Variants in DIP2B observed in about 807,000 individuals in gnomAD.
DIP2B encodes the protein DIP2 acetate--CoA ligase B (putative), also known as disco-interacting protein 2 homolog B.
Under a neutral mutation model 198.0 loss-of-function variants are expected in DIP2B, and 76 were observed. That is an observed-to-expected ratio of 0.38 (90% CI 0.32 to 0.46). The LOEUF is 0.46. Among genes scored for constraint, DIP2B ranks in the 20% least tolerant of loss-of-function variants. The pLI, the probability that DIP2B is intolerant of heterozygous loss-of-function variation, is 0.99. For synonymous variants in DIP2B, 701 were observed against 739.1 expected (o/e 0.95, Z 0.84); for missense variants, 1,559 against 1,978.4 (o/e 0.79, Z 4.02).
rs866069180 is a variant in DIP2B at position 50,721,315 on chromosome 12, C to T, written c.3085C>T (p.Arg1029Ter). The T allele has an allele frequency of 5.0e-6, 8 of 1,614,104 alleles. No homozygotes were observed. The highest frequency in any genetic ancestry group is 5.9e-6 in the Non-Finnish European group (7 of 1,180,004). ...CTASCLQLHK[R>*]AERIASVLGD... is the part of the protein sequence containing the mutation. ...AGCCAGCTGCCTTCAGCTTCATAAGCGAGCAGAGAGGATTGCATCTGTTCT... is the reference window on the plus strand; with the variant it reads ...AGCCAGCTGCCTTCAGCTTCATAAGTGAGCAGAGAGGATTGCATCTGTTCT... The change falls in exon 26 of 38, where the codon CGA (arginine) becomes TGA (stop). Residue 1029 changes from arginine to a stop codon, truncating the protein, a stop_gained. Coordinates refer to ENST00000301180, the MANE Select transcript of DIP2B (RefSeq NM_173602.3). LOFTEE classifies it high-confidence loss of function.
In DIP2B at chr12:50,692,070, A is replaced by G. The variant is rs189096210; in HGVS notation, c.1655-879A>G. Among the ~76,000 whole-genome samples, 93 of 151,118 alleles carry G rather than the reference A, an allele frequency of 6.2e-4. No individual in the cohort carries two copies. In the Middle Eastern group the frequency reaches 0.014, roughly 22 times the overall value. ...ACAGAGCAAGACTCTGTCTCAAAAA[A>G]ATATATATATATATAATACATTCAT... is the stretch of plus-strand genomic sequence containing the variant. On this transcript the variant is annotated intron_variant, in intron 13 of 37. Coordinates refer to ENST00000301180, the MANE Select transcript of DIP2B (RefSeq NM_173602.3).
intron 35 of DIP2B, among the ~76,000 whole-genome samples, chr12:50,738,064 G>A (rs558015898): frequency 1.3e-4 from 20 of 152,128 alleles, no homozygotes; most frequent in Admixed American, 5.2e-4. Flanking sequence ...ACTGGTGGCC[G>A]GGCGCAGTGG....
intron 1 of DIP2B, among the ~76,000 whole-genome samples, chr12:50,578,943 T>A (rs765685170): frequency 6.6e-6 from 1 of 152,192 alleles, no homozygotes; most frequent in African/African-American, 2.4e-5. Flanking sequence ...ATACTAATGG[T>A]ACAAAAGCAA....
At chr12:50,676,220 C>A (rs1349252441) in intron 7 of DIP2B, among the ~76,000 whole-genome samples, 1 of 152,112 alleles carries the variant, frequency 6.6e-6, no homozygotes. Flanking sequence ...GACGATAGAT[C>A]TAGACAAATA....
chr12:50,734,620 C>T (rs936437326), intron 33 of DIP2B, among the ~76,000 whole-genome samples: 3 of 152,132 alleles, frequency 2.0e-5, no homozygotes, highest in Non-Finnish European at 2.9e-5. Flanking sequence ...TAGCTGTGTC[C>T]GGCAGTGAGC....
chr12:50,646,843 C>T (rs1348300839), intron 3 of DIP2B, among the ~76,000 whole-genome samples: 1 of 152,168 alleles, frequency 6.6e-6, no homozygotes, highest in Non-Finnish European at 1.5e-5. Context: ...CTGTCCAAAT[C>T]TAATCTCTGA....
intron 12 of DIP2B, among the ~76,000 whole-genome samples, chr12:50,688,731 A>G (rs1318691998): frequency 6.6e-6 from 1 of 152,232 alleles, no homozygotes; most frequent in Non-Finnish European, 1.5e-5. Flanking sequence ...TGTCTCAGTG[A>G]TGACATGGTT....
In DIP2B at chr12:50,640,835, A is replaced by T. The variant is rs1938243292; in HGVS notation, c.284A>T (p.Asp95Val). 6.2e-7 allele frequency: 1 copy of T among 1,613,670 alleles called. No individual in the cohort carries two copies. The highest frequency in any genetic ancestry group is 1.7e-5 in the Admixed American group (1 of 59,970). ...CGAACTCGATCTGGGGGAGCCAGGG[A>T]TGAACGATATCGATCAGGTGAGGAG... ...YHRTRSGGAR[D>V]ERYRSDIHTE... The change falls in exon 3 of 38, where the codon GAT (aspartate) becomes GTT (valine). Residue 95 changes from aspartate (D) to valine (V), a missense_variant. Asp to Val is a radical substitution (Grantham distance 152). Coordinates refer to ENST00000301180, the MANE Select transcript of DIP2B (RefSeq NM_173602.3).
intron 1 of DIP2B, among the ~76,000 whole-genome samples, chr12:50,623,729 A>G (rs1211745078): frequency 6.6e-6 from 1 of 152,110 alleles, no homozygotes; most frequent in Admixed American, 6.5e-5. Context: ...CTCCTGTGGC[A>G]ATATATTTGG....
intron 19 of DIP2B, among the ~76,000 whole-genome samples, chr12:50,701,280 A>G (rs187107643): frequency 6.6e-6 from 1 of 152,378 alleles, no homozygotes; most frequent in Admixed American, 6.5e-5. Flanking sequence ...TATTTTTCTT[A>G]CTGGCTTCTT....
chr12:50,506,265 A>T (rs988116077), intron 1 of DIP2B, among the ~76,000 whole-genome samples: 6 of 152,196 alleles, frequency 3.9e-5, no homozygotes, highest in African/African-American at 1.2e-4. Flanking sequence ...GCATATTCTT[A>T]CTGAGTTCCT....
rs756386944 is a variant in DIP2B at position 50,699,161 on chromosome 12, A to G, written c.2284A>G (p.Met762Val). The G allele has an allele frequency of 6.2e-7, 1 of 1,614,218 alleles. No homozygotes were observed. Among genetic ancestry groups the G allele is most frequent in the Admixed American group, 1.7e-5 (1 of 60,024 alleles). Residue 762 changes from methionine to valine, a missense_variant, in exon 19 of 38, where the codon ATG becomes GTG. By Grantham distance (21) the Met-to-Val change is conservative (BLOSUM62 1). Transcript: ENST00000301180. ...ICVSSRTGGM[M>V]YFGLAGVTKN... is the part of the protein sequence containing the mutation. ...TGTTAGCTCCAGAACTGGAGGCATGATGTACTTTGGGCTTGCTGGTGTGAC... is the reference window on the plus strand; with the variant it reads ...TGTTAGCTCCAGAACTGGAGGCATGGTGTACTTTGGGCTTGCTGGTGTGAC...
chr12:50,684,548 T>A (rs1055899820), intron 10 of DIP2B, among the ~76,000 whole-genome samples: 3 of 152,120 alleles, frequency 2.0e-5, no homozygotes, highest in Admixed American at 2.0e-4. Flanking sequence ...TCCCAGCACT[T>A]TGGGAGGCCG....
At chr12:50,617,823 T>C (rs2139459987) in intron 1 of DIP2B, among the ~76,000 whole-genome samples, 1 of 152,028 alleles carries the variant, frequency 6.6e-6, no homozygotes, top group African/African-American at 2.4e-5. Context: ...AAATAAAAGA[T>C]GAAGGAGATT....
At chr12:50,625,581 A>G (rs2139469032) in intron 1 of DIP2B, among the ~76,000 whole-genome samples, 1 of 152,340 alleles carries the variant, frequency 6.6e-6, no homozygotes, top group East Asian at 1.9e-4. Flanking sequence ...TAGCAGTATA[A>G]GTGAATACCT....
intron 9 of DIP2B, 134 bp from the exon 10 acceptor site, chr12:50,683,004 C>T (rs1939070685): frequency 4.1e-6 from 3 of 726,184 alleles, no homozygotes; most frequent in Admixed American, 3.1e-5. Flanking sequence ...AACTTAATTT[C>T]CTTTAGAGCA....
intron 1 of DIP2B, among the ~76,000 whole-genome samples, chr12:50,506,735 A>G (rs1168233280): frequency 2.0e-5 from 3 of 152,170 alleles, no homozygotes; most frequent in Non-Finnish European, 4.4e-5. Flanking sequence ...AGCTTTTTGC[A>G]TTACCATCAA....
At chr12:50,563,361 AT>A (rs1434827088) in intron 1 of DIP2B, among the ~76,000 whole-genome samples, 2 of 149,652 alleles carry the variant, frequency 1.3e-5, no homozygotes, top group Non-Finnish European at 3.0e-5. Context: ...TAATTTTTGT[AT>A]TTTTTGTAGA....
intron 14 of DIP2B, among the ~76,000 whole-genome samples, chr12:50,694,541 A>G (rs1939274765): frequency 2.7e-5 from 3 of 109,666 alleles, no homozygotes; most frequent in Admixed American, 1.8e-4. Context: ...ACATACATAC[A>G]TACATACATA....
Sources: allele counts gnomAD v4.1 joint callset (sites outside exome capture counted in the v4.1 genomes callset), GRCh38; gene constraint gnomAD v4.1.1; transcripts MANE v1.5; gene names NCBI Gene and HGNC (gene_info 2026-07-23, HGNC 2026-07-21).